SDR42E1: variants seen among roughly 807,000 people sequenced by gnomAD.
SDR42E1 encodes the protein short-chain dehydrogenase/reductase family 42E member 1.
A neutral mutation model predicts 2.6 loss-of-function variants in SDR42E1; 5 were observed. The observed-to-expected ratio is 1.94, with a 90% confidence interval of 1.01 to 4.08. The LOEUF is 4.08. SDR42E1 is among the 30% of genes most tolerant of loss of function. SDR42E1 has a pLI of 0.00. For missense variants in SDR42E1, 596 were observed against 478.6 expected, an observed-to-expected ratio of 1.25 and a Z score of -2.29; for synonymous variants, 231 against 188.3, an observed-to-expected ratio of 1.23 and a Z score of -1.86.
intron 1 of SDR42E1, among the ~76,000 whole-genome samples, chr16:82,008,337 G>A (rs1258746976): frequency 6.6e-6 from 1 of 152,238 alleles, no homozygotes; most frequent in Non-Finnish European, 1.5e-5. Context: ...CTGAAAATGT[G>A]GAAGTGACTT....
At chr16:82,011,306 C>T (rs1913118278) in intron 1 of SDR42E1, 81 bp downstream of exon 1, 1 of 152,412 alleles carries the variant, frequency 6.6e-6, no homozygotes, top group Non-Finnish European at 1.5e-5. Context: ...GGGACCGCCA[C>T]CTGTCGCGTT....
chr16:81,999,464 A>G lies in SDR42E1; in HGVS notation c.829T>C (p.Phe277Leu). 6.2e-7 allele frequency: 1 copy of G among 1,614,182 alleles called. No homozygotes were observed. The highest frequency in any genetic ancestry group is 8.5e-7 in the Non-Finnish European group (1 of 1,180,034). ...GTCAATGGCAGGCGGGTAGACGGGA[A>G]TGTGTAGCCCAGGCCCTCAACCAGA... is the stretch of plus-strand genomic sequence containing the variant. The part of the protein sequence containing the change: ...RPLVEGLGYT[F>L]PSTRLPLTLV... The change falls in exon 3 of 3, where the codon TTC becomes CTC. Residue 277 changes from phenylalanine (F) to leucine (L), a missense_variant. Coordinates refer to ENST00000328945, the MANE Select transcript of SDR42E1 (RefSeq NM_145168.3).
chr16:82,001,920 C>A (rs1463609111), intron 1 of SDR42E1, among the ~76,000 whole-genome samples: 8 of 142,762 alleles, frequency 5.6e-5, no homozygotes, highest in African/African-American at 1.6e-4. Flanking sequence ...AAAAAAAAAA[C>A]CACAGGAAGC....
At position 81,999,753 on chromosome 16, in the gene SDR42E1, G is replaced by A. The variant is rs781089298; in HGVS notation, c.540C>T (p.Thr180=). The part of the protein sequence containing the change: ...PLDRGDGVLR[T]CALRPAGIYG... ...AGATGCCAGCTGGCCTCAGAGCGCA[G>A]GTTCTTAAGACACCGTCGCCTCTGT... is the stretch of plus-strand genomic sequence containing the variant. Residue 180 remains threonine (T), a synonymous_variant, in exon 3 of 3, where the codon ACC becomes ACT. Transcript: ENST00000328945. 6.2e-7 allele frequency: 1 copy of A among 1,614,214 alleles called. No individual in the cohort carries two copies. Among genetic ancestry groups the A allele is most frequent in the East Asian group, 2.2e-5 (1 of 44,886 alleles).
At position 82,000,090 on chromosome 16, in the gene SDR42E1, AAGGCTTTCTCTACGTC is replaced by A; in HGVS notation, c.187_202del (p.Asp63SerfsTer27). Reference sequence around the variant, plus strand: ...CACACAAGTGACGTCTGCATCCTGGAAGGCTTTCTCTACGTCAGACAGGTGGCGGATGTCTCCTTGT... The same window carrying A: ...CACACAAGTGACGTCTGCATCCTGGAAGACAGGTGGCGGATGTCTCCTTGT... On this transcript the variant is annotated frameshift_variant, in exon 3 of 3. Coordinates refer to ENST00000328945, the MANE Select transcript of SDR42E1 (RefSeq NM_145168.3). LOFTEE classifies it low-confidence loss of function (END_TRUNC). The A allele has an allele frequency of 6.2e-7, 1 of 1,614,226 alleles. No homozygotes were observed.
intron 1 of SDR42E1, among the ~76,000 whole-genome samples, chr16:82,001,285 T>C (rs1264783654): frequency 6.6e-6 from 1 of 152,188 alleles, no homozygotes; most frequent in Admixed American, 6.5e-5. Flanking sequence ...ATCAGAAAAT[T>C]AGAGAGCACT....
rs907773119 is a variant in SDR42E1 at position 81,992,217 on chromosome 16, A to C, written c.*6894T>G. ...GAGTAAACTCTCAACAAATAGTAGC[A>C]ATTAACTATTAACAATGTTCATCTT... On this transcript the variant is annotated 3_prime_UTR_variant, in exon 3 of 3. Transcript: ENST00000328945. The C allele has an allele frequency of 2.0e-5, 3 of 152,228 alleles. No homozygotes were observed. The highest frequency in any genetic ancestry group is 7.2e-5 in the African/African-American group (3 of 41,464). 9.4% of individuals were successfully genotyped at this position (152,228 alleles called of 1,614,324 possible). A position where few individuals can be genotyped will look rare whatever the true frequency, so the allele number is the denominator to read the frequency against.
At chr16:82,001,113 G>T (rs559548601) in intron 1 of SDR42E1, among the ~76,000 whole-genome samples, 82 of 152,268 alleles carry the variant, frequency 5.4e-4, no homozygotes, top group African/African-American at 1.8e-3. Context: ...ACCTGAAAAG[G>T]TTAATGTGGA....
intron 1 of SDR42E1, among the ~76,000 whole-genome samples, chr16:82,001,994 A>ACACACACACACACAC (rs1912783437): frequency 6.9e-6 from 1 of 144,540 alleles, no homozygotes; most frequent in African/African-American, 2.9e-5. Context: ...ACACACACAT[A>ACACACACACACACAC]TACCTGTGCT....
chr16:81,999,266 G>C lies in SDR42E1; in HGVS notation c.1027C>G (p.Leu343Val), dbSNP rs752888871. ...TTAAACCATTCCACTGCTTCCTGGA[G>C]GTCAAATGGCTGAGCCTTATAACCT... is the stretch of plus-strand genomic sequence containing the variant. ...ELGYKAQPFD[L>V]QEAVEWFKAH... Residue 343 changes from leucine to valine, a missense_variant, in exon 3 of 3, where the codon CTC becomes GTC. Coordinates refer to ENST00000328945, the MANE Select transcript of SDR42E1 (RefSeq NM_145168.3). The C allele has an allele frequency of 6.2e-7, 1 of 1,614,184 alleles. No homozygotes were observed. Among genetic ancestry groups the C allele is most frequent in the Non-Finnish European group, 8.5e-7 (1 of 1,180,044 alleles).
chr16:81,999,428 A>C lies in SDR42E1; in HGVS notation c.865T>G (p.Cys289Gly). Reference protein sequence around the residue: ...STRLPLTLVYCFAFLTEMVHF... With the variant: ...STRLPLTLVYGFAFLTEMVHF... ...ACCATCTCTGTTAGAAAAGCAAAGC[A>C]GTAGACCAAGGTCAATGGCAGGCGG... The change falls in exon 3 of 3, where the codon TGC (cysteine) becomes GGC (glycine). Residue 289 changes from cysteine (C) to glycine (G), a missense_variant. Coordinates refer to ENST00000328945, the MANE Select transcript of SDR42E1 (RefSeq NM_145168.3). The C allele has an allele frequency of 6.2e-7, 1 of 1,614,232 alleles. No homozygotes were observed. Among genetic ancestry groups the C allele is most frequent in the East Asian group, 2.2e-5 (1 of 44,884 alleles).
chr16:82,009,388 G>A (rs1002348915), intron 1 of SDR42E1, among the ~76,000 whole-genome samples: 1 of 152,206 alleles, frequency 6.6e-6, no homozygotes, highest in Non-Finnish European at 1.5e-5. Context: ...CCAAAAGTGG[G>A]GCTGTACCCT....
In SDR42E1 at chr16:81,989,356, T is replaced by C. The variant is rs900176823; in HGVS notation, c.*9755A>G. On this transcript the variant is annotated 3_prime_UTR_variant, in exon 3 of 3. Coordinates refer to ENST00000328945, the MANE Select transcript of SDR42E1 (RefSeq NM_145168.3). ...ACCACAGCCCTGTTTTCTATACAAA[T>C]ATATACATATATGAAATTTGGGGAC... The C allele has an allele frequency of 6.6e-6, 1 of 152,240 alleles. No homozygotes were observed. Among genetic ancestry groups the C allele is most frequent in the Non-Finnish European group, 1.5e-5 (1 of 68,042 alleles). The allele number at this position is 152,240 out of a possible 1,614,324, so 9.4% of individuals were successfully genotyped here.
Position 81,999,643 on chromosome 16 carries a change from C to A in SDR42E1, c.650G>T (p.Arg217Met). 6.2e-7 allele frequency: 1 copy of A among 1,614,194 alleles called. No individual in the cohort carries two copies. The highest frequency in any genetic ancestry group is 1.7e-5 in the Admixed American group (1 of 60,032). Residue 217 changes from arginine (R) to methionine (M), a missense_variant, in exon 3 of 3, where the codon AGG (arginine) becomes ATG (methionine). Coordinates refer to ENST00000328945, the MANE Select transcript of SDR42E1 (RefSeq NM_145168.3). ...GLFKFVYGDP[R>M]SLVEFVHVDN... ...CACGTGGACAAACTCAACCAGGCTCCTGGGGTCCCCGTAGACAAACTTGAA... is the reference window on the plus strand; with the variant it reads ...CACGTGGACAAACTCAACCAGGCTCATGGGGTCCCCGTAGACAAACTTGAA...
Position 81,994,294 on chromosome 16 carries a change from G to A in SDR42E1, c.*4817C>T, listed in dbSNP as rs1202331545. 2 of 152,106 alleles carry A rather than the reference G, an allele frequency of 1.3e-5. No homozygotes were observed. The highest frequency in any genetic ancestry group is 2.9e-5 in the Non-Finnish European group (2 of 68,070). The allele number at this position is 152,106 out of a possible 1,614,324, so 9.4% of individuals were successfully genotyped here. A position where few individuals can be genotyped will look rare whatever the true frequency, so the allele number is the denominator to read the frequency against. ...AGCAGCCCAAACATCATCAGCACTCGGTCCTCTCCTTCAGGTAGGAGGACC... is the reference window on the plus strand; with the variant it reads ...AGCAGCCCAAACATCATCAGCACTCAGTCCTCTCCTTCAGGTAGGAGGACC... On this transcript the variant is annotated 3_prime_UTR_variant, in exon 3 of 3. Transcript: ENST00000328945.
chr16:82,000,662 G>T, intron 2 of SDR42E1, 129 bp downstream of exon 2: 1 of 698,736 alleles, frequency 1.4e-6, no homozygotes, highest in Non-Finnish European at 2.5e-6. Context: ...TCTGAGCAGT[G>T]GGCAACACAG....
rs73598796 is a variant in SDR42E1 at position 81,992,189 on chromosome 16, C to G, written c.*6922G>C. On this transcript the variant is annotated 3_prime_UTR_variant, in exon 3 of 3. Transcript: ENST00000328945. ...AGAAAAAAAAATTAGAAAGCCTTATCCTGAGTAAACTCTCAACAAATAGTA... is the reference window on the plus strand; with the variant it reads ...AGAAAAAAAAATTAGAAAGCCTTATGCTGAGTAAACTCTCAACAAATAGTA... 1 of 152,122 alleles carries G rather than the reference C, an allele frequency of 6.6e-6. No individual in the cohort carries two copies. The highest frequency in any genetic ancestry group is 1.9e-4 in the East Asian group (1 of 5,184). 9.4% of individuals were successfully genotyped at this position (152,122 alleles called of 1,614,324 possible).
rs768280824 is a variant in SDR42E1, at chr16:81,999,412, G to A, written c.881C>T (p.Thr294Ile). 1.1e-5 allele frequency: 17 copies of A among 1,614,112 alleles called. No individual in the cohort carries two copies. In the South Asian group the frequency reaches 1.8e-4, roughly 17 times the overall value. ...ACCCAAAATGAAGTGAACCATCTCT[G>A]TTAGAAAAGCAAAGCAGTAGACCAA... ...LTLVYCFAFL[T>I]EMVHFILGRL... The change falls in exon 3 of 3, where the codon ACA becomes ATA. Residue 294 changes from threonine (T) to isoleucine (I), a missense_variant. Thr to Ile is a moderately conservative substitution (Grantham distance 89). Transcript: ENST00000328945.
intron 1 of SDR42E1, 26 bp from the exon 2 acceptor site, chr16:82,000,910 T>C (rs773668505): frequency 3.4e-6 from 5 of 1,470,284 alleles, no homozygotes; most frequent in Non-Finnish European, 4.7e-6. Context: ...TGCATCACTG[T>C]TACTGATCCA....
Sources: allele counts gnomAD v4.1 joint callset (sites outside exome capture counted in the v4.1 genomes callset), GRCh38; gene constraint gnomAD v4.1.1; transcripts MANE v1.5; gene names NCBI Gene and HGNC (gene_info 2026-07-23, HGNC 2026-07-21).